ZNF556: variants seen among roughly 807,000 people sequenced by gnomAD.
The protein encoded by ZNF556 is zinc finger protein 556.
A neutral mutation model predicts 13.6 loss-of-function variants in ZNF556; 11 were observed. That is an observed-to-expected ratio of 0.81 (90% CI 0.51 to 1.33). ZNF556 has a LOEUF of 1.33. Ranked by LOEUF, ZNF556 falls within the 40% of genes most tolerant of loss-of-function variation. The probability of loss-of-function intolerance (pLI) is 0.00; values close to 1 mark genes in which losing one functional copy is unlikely to be tolerated. For missense variants in ZNF556, 633 were observed against 566.2 expected, an observed-to-expected ratio of 1.12 and a Z score of -1.20; for synonymous variants, 229 against 207.8, an observed-to-expected ratio of 1.10 and a Z score of -0.88.
At chr19:2,872,381 C>G (rs1409228877) in intron 1 of ZNF556, among the ~76,000 whole-genome samples, 1 of 151,650 alleles carries the variant, frequency 6.6e-6, no homozygotes, top group Non-Finnish European at 1.5e-5. Flanking sequence ...CTCTGGTGGC[C>G]CTGTCTGGGC....
chr19:2,877,819 T>C lies in ZNF556; in HGVS notation c.861T>C (p.Tyr287=), dbSNP rs1255390868. 8 of 1,614,140 alleles carry C rather than the reference T, an allele frequency of 5.0e-6. No homozygotes were observed. The highest frequency in any genetic ancestry group is 4.5e-5 in the East Asian group (2 of 44,886). ...HMIMHAGGRP[Y]ECKQCGKAYC... ...TCATGCACGCCGGAGGGAGACCGTA[T>C]GAGTGCAAGCAGTGTGGGAAAGCCT... Residue 287 remains tyrosine (Y), a synonymous_variant, in exon 4 of 4, where the codon TAT becomes TAC. Transcript: ENST00000307635.
chr19:2,877,714 GC>G lies in ZNF556; in HGVS notation c.757del (p.His253ThrfsTer26). The stretch of plus-strand genomic sequence containing the variant: ...AATCCTTTCGCGCACATGTGATGAT[GC>G]ACGCCGGAGGGAGACCGTATGAGTG... Reference protein sequence around the residue: ...PKSFRAHVMMHAGGRPYECKH... With the variant: ...PKSFRAHVMMXAGGRPYECKH... On this transcript the variant is annotated frameshift_variant, in exon 4 of 4. Transcript: ENST00000307635. LOFTEE classifies it low-confidence loss of function (END_TRUNC). 6.2e-7 allele frequency: 1 copy of G among 1,613,542 alleles called. No individual in the cohort carries two copies. The highest frequency in any genetic ancestry group is 8.5e-7 in the Non-Finnish European group (1 of 1,179,698).
At position 2,883,273 on chromosome 19, in the gene ZNF556, T is replaced by C. The variant is rs1409189890; in HGVS notation, c.*4944T>C. ...TATTTGTCATCCTTTAATTAATTTTTATTTTTTTAATTAAAAAATAATTTT... is the reference window on the plus strand; with the variant it reads ...TATTTGTCATCCTTTAATTAATTTTCATTTTTTTAATTAAAAAATAATTTT... On this transcript the variant is annotated 3_prime_UTR_variant, in exon 4 of 4. Coordinates refer to ENST00000307635, the MANE Select transcript of ZNF556 (RefSeq NM_024967.3). 1 of 152,226 alleles carries C rather than the reference T, an allele frequency of 6.6e-6. No individual in the cohort carries two copies. Among genetic ancestry groups the C allele is most frequent in the Non-Finnish European group, 1.5e-5 (1 of 68,032 alleles). 9.4% of individuals were successfully genotyped at this position (152,226 alleles called of 1,614,324 possible).
intron 2 of ZNF556, among the ~76,000 whole-genome samples, chr19:2,875,796 C>A (rs1237896171): frequency 1.3e-5 from 2 of 151,698 alleles, no homozygotes; most frequent in Non-Finnish European, 2.9e-5. Context: ...AACCCCGTCT[C>A]TACTAAAAAT....
intron 1 of ZNF556, among the ~76,000 whole-genome samples, chr19:2,872,560 A>G (rs1359367683): frequency 6.6e-6 from 1 of 152,190 alleles, no homozygotes; most frequent in African/African-American, 2.4e-5. Flanking sequence ...ATATTCATAT[A>G]TAATCATATC....
At position 2,877,480 on chromosome 19, in the gene ZNF556, A is replaced by G. The variant is rs1446601086; in HGVS notation, c.522A>G (p.Leu174=). Residue 174 remains leucine (L), a synonymous_variant, in exon 4 of 4, where the codon TTA becomes TTG. Coordinates refer to ENST00000307635, the MANE Select transcript of ZNF556 (RefSeq NM_024967.3). ...AAAGAGCTCACTCTGGACAAAAATT[A>G]TATAAATGTAAGGAATGTGGGAAAG... ...RHKRAHSGQK[L]YKCKECGKAF... 1.2e-6 allele frequency: 2 copies of G among 1,614,228 alleles called. No individual in the cohort carries two copies. Among genetic ancestry groups the G allele is most frequent in the South Asian group, 1.1e-5 (1 of 91,088 alleles).
intron 3 of ZNF556, 89 bp downstream of exon 3, chr19:2,876,365 G>A (rs2087852209): frequency 6.9e-6 from 9 of 1,307,040 alleles, no homozygotes; most frequent in Admixed American, 5.2e-5. Flanking sequence ...CAAGGGAGGC[G>A]GATCACCTGG....
intron 1 of ZNF556, 145 bp from the exon 2 acceptor site, chr19:2,873,351 A>G: frequency 2.2e-6 from 2 of 896,154 alleles, no homozygotes; most frequent in Admixed American, 5.1e-5. Flanking sequence ...GATTACAGAC[A>G]GAGGGGAAGA....
At chr19:2,872,816 C>T (rs1194364281) in intron 1 of ZNF556, among the ~76,000 whole-genome samples, 4 of 116,374 alleles carry the variant, frequency 3.4e-5, no homozygotes, top group Admixed American at 8.4e-5. Context: ...GAGACTCCAT[C>T]TCAAAAAAAA....
chr19:2,869,393 G>A (rs2087783624), intron 1 of ZNF556, among the ~76,000 whole-genome samples: 1 of 151,928 alleles, frequency 6.6e-6, no homozygotes, highest in African/African-American at 2.4e-5. Flanking sequence ...TTGAGACGGA[G>A]TCTTGCTCTG....
rs1221015383 is a variant in ZNF556, at chr19:2,881,312, C to A, written c.*2983C>A. 6.6e-6 allele frequency: 1 copy of A among 152,042 alleles called. No individual in the cohort carries two copies. Among genetic ancestry groups the A allele is most frequent in the Non-Finnish European group, 1.5e-5 (1 of 68,022 alleles). 9.4% of individuals were successfully genotyped at this position (152,042 alleles called of 1,614,324 possible). A position where few individuals can be genotyped will look rare whatever the true frequency, so the allele number is the denominator to read the frequency against. ...TGGAGCCCAGTAGCAATGGCTCACGCCTGTAATCCCAGGACCCACCGAGGC... is the reference window on the plus strand; with the variant it reads ...TGGAGCCCAGTAGCAATGGCTCACGACTGTAATCCCAGGACCCACCGAGGC... On this transcript the variant is annotated 3_prime_UTR_variant, in exon 4 of 4. Transcript: ENST00000307635.
chr19:2,877,614 C>A lies in ZNF556; in HGVS notation c.656C>A (p.Thr219Asn). ...GKTFLRSHSL[T>N]EHVRTHTGEK... ...ACATTTCTTCGTTCCCACTCTCTCA[C>A]TGAACATGTAAGGACTCACACTGGA... Residue 219 changes from threonine to asparagine, a missense_variant, in exon 4 of 4, where the codon ACT becomes AAT. Physicochemically the swap from Thr to Asn is moderately conservative, Grantham distance 65. Coordinates refer to ENST00000307635, the MANE Select transcript of ZNF556 (RefSeq NM_024967.3). The A allele has an allele frequency of 6.2e-7, 1 of 1,614,212 alleles. No individual in the cohort carries two copies. Among genetic ancestry groups the A allele is most frequent in the Non-Finnish European group, 8.5e-7 (1 of 1,180,038 alleles).
At position 2,882,529 on chromosome 19, in the gene ZNF556, ATAGTGTGT is replaced by A. The variant is rs1349825566; in HGVS notation, c.*4201_*4208del. 3.0e-3 allele frequency: 275 copies of A among 91,068 alleles called. No individual in the cohort carries two copies. Among genetic ancestry groups the A allele is most frequent in the African/African-American group, 0.011 (260 of 24,100 alleles). The allele number at this position is 91,068 out of a possible 1,614,324, so 5.6% of individuals were successfully genotyped here. On this transcript the variant is annotated 3_prime_UTR_variant, in exon 4 of 4. Coordinates refer to ENST00000307635, the MANE Select transcript of ZNF556 (RefSeq NM_024967.3). ...GTATACATTTTATATATATATATAT[ATAGTGTGT>A]GTGTGTGTGTGTGTGTGTGTGTGTG...
At chr19:2,867,566 G>T in intron 1 of ZNF556, 142 bp downstream of exon 1, 1 of 1,235,702 alleles carries the variant, frequency 8.1e-7, no homozygotes. Context: ...CGGGTCCTGC[G>T]GGGAGTTTCC....
chr19:2,875,920 C>T (rs970878448), intron 2 of ZNF556, among the ~76,000 whole-genome samples, 173 bp from the exon 3 acceptor site: 6 of 151,972 alleles, frequency 3.9e-5, no homozygotes, highest in African/African-American at 1.2e-4. Context: ...GCCGAGATCG[C>T]GCCGCTGCAC....
At position 2,877,569 on chromosome 19, in the gene ZNF556, C is replaced by G. The variant is rs982784458; in HGVS notation, c.611C>G (p.Ala204Gly). The G allele has an allele frequency of 1.2e-6, 2 of 1,614,088 alleles. No individual in the cohort carries two copies. Among genetic ancestry groups the G allele is most frequent in the East Asian group, 2.2e-5 (1 of 44,874 alleles). ...EKTHSGEKPY[A>G]CQSCGKTFLR... is the part of the protein sequence containing the mutation. Reference sequence around the variant, plus strand: ...ACTCACAGTGGAGAGAAACCCTATGCCTGTCAATCTTGCGGGAAGACATTT... The same window carrying G: ...ACTCACAGTGGAGAGAAACCCTATGGCTGTCAATCTTGCGGGAAGACATTT... The change falls in exon 4 of 4, where the codon GCC (alanine) becomes GGC (glycine). Residue 204 changes from alanine (A) to glycine (G), a missense_variant. Transcript: ENST00000307635.
Position 2,876,181 on chromosome 19 carries a change from G to GT in ZNF556, c.221dup (p.Thr75HisfsTer18). 2 of 1,612,400 alleles carry GT rather than the reference G, an allele frequency of 1.2e-6. No homozygotes were observed. The highest frequency in any genetic ancestry group is 1.1e-5 in the South Asian group (1 of 90,580). ...TATCCCTCAAACAGAAAATAGAAAA[G>GT]TTCACAAGAAAGAATATATGGGCCT... On this transcript the variant is annotated frameshift_variant, in exon 3 of 4. Coordinates refer to ENST00000307635, the MANE Select transcript of ZNF556 (RefSeq NM_024967.3). LOFTEE classifies it high-confidence loss of function.
At chr19:2,875,581 C>T in intron 2 of ZNF556, 1 of 159,986 alleles carries the variant, frequency 6.3e-6, no homozygotes, top group Non-Finnish European at 1.4e-5. Context: ...TGGACCACCA[C>T]CTTCCAGACA....
At chr19:2,874,739 G>T (rs1206239980) in intron 2 of ZNF556, among the ~76,000 whole-genome samples, 2 of 70,808 alleles carry the variant, frequency 2.8e-5, no homozygotes, top group Admixed American at 1.8e-4. Context: ...GTAAGACTCT[G>T]TCTCAAAAAA....
Sources: allele counts gnomAD v4.1 joint callset (sites outside exome capture counted in the v4.1 genomes callset), GRCh38; gene constraint gnomAD v4.1.1; transcripts MANE v1.5; gene names NCBI Gene and HGNC (gene_info 2026-07-23, HGNC 2026-07-21).